MAPRE2: variants seen among roughly 807,000 people sequenced by gnomAD.
MAPRE2 encodes microtubule-associated protein RP/EB family member 2.
MAPRE2 carries 13 observed loss-of-function variants against 43.2 expected under a neutral mutation model. That is an observed-to-expected ratio of 0.30 (90% CI 0.20 to 0.48). MAPRE2 has a LOEUF of 0.48. MAPRE2 is among the 20% of genes least tolerant of loss of function. The pLI is 0.99. For missense variants in MAPRE2, 161 were observed against 400.2 expected (o/e 0.40, Z 5.10); for synonymous variants, 135 against 148.8 (o/e 0.91, Z 0.68).
intron 1 of MAPRE2, among the ~76,000 whole-genome samples, chr18:34,989,717 T>C (rs1175164963): frequency 1.3e-5 from 2 of 151,608 alleles, no homozygotes; most frequent in Non-Finnish European, 1.5e-5. Context: ...CCTCTCTCTC[T>C]GTCTTTTTTT....
chr18:35,119,284 A>G (rs1909563961), intron 4 of MAPRE2, among the ~76,000 whole-genome samples: 1 of 152,190 alleles, frequency 6.6e-6, no homozygotes, highest in Non-Finnish European at 1.5e-5. Context: ...AGGAAGACCC[A>G]TAGTGGATGC....
At chr18:35,101,721 A>G (rs553902805) in intron 3 of MAPRE2, among the ~76,000 whole-genome samples, 1 of 152,300 alleles carries the variant, frequency 6.6e-6, no homozygotes, top group South Asian at 2.1e-4. Context: ...ACTGCGACTC[A>G]TTCTTTTTAT....
intron 2 of MAPRE2, among the ~76,000 whole-genome samples, chr18:35,086,367 G>A (rs1907880057): frequency 6.6e-6 from 1 of 151,652 alleles, no homozygotes; most frequent in South Asian, 2.1e-4. Flanking sequence ...TATACACATT[G>A]TATATATGTA....
chr18:34,982,547 TAAGA>T (rs1017857177), intron 1 of MAPRE2, among the ~76,000 whole-genome samples: 4 of 152,220 alleles, frequency 2.6e-5, no homozygotes, highest in African/African-American at 9.6e-5. Context: ...TAATCTGAGA[TAAGA>T]AAAAGTCTGG....
intron 4 of MAPRE2, among the ~76,000 whole-genome samples, chr18:35,120,981 CAT>C (rs370754076): frequency 5.3e-5 from 8 of 152,270 alleles, no homozygotes; most frequent in African/African-American, 1.9e-4. Flanking sequence ...TGGCCGCCTG[CAT>C]GTGTGTGTGC....
chr18:35,140,277 CTT>C lies in MAPRE2; in HGVS notation c.910-17_910-16del, dbSNP rs1444345762. The C allele has an allele frequency of 7.4e-6, 12 of 1,611,002 alleles. No individual in the cohort carries two copies. Among genetic ancestry groups the C allele is most frequent in the South Asian group, 1.1e-5 (1 of 90,408 alleles). Reference sequence around the variant, plus strand: ...TCCCAGTCAATTATCTCAGCTGAAACTTCTCCCCTGCCCACAGGAGGGCCACA... The same window carrying C: ...TCCCAGTCAATTATCTCAGCTGAAACCTCCCCTGCCCACAGGAGGGCCACA... On this transcript the variant is annotated splice_polypyrimidine_tract_variant and intron_variant, in intron 6 of 6. Coordinates refer to ENST00000300249, the MANE Select transcript of MAPRE2 (RefSeq NM_014268.4).
At chr18:35,039,248 A>C (rs1382000662), upstream of MAPRE2, among the ~76,000 whole-genome samples, 1 of 152,258 alleles carries the variant, frequency 6.6e-6, no homozygotes, top group East Asian at 1.9e-4. Flanking sequence ...AAAAAGGGGA[A>C]GTTTTGTGAA....
rs536582117 is a variant in MAPRE2 at position 35,111,848 on chromosome 18, C to T, written c.610+9689C>T. Among the ~76,000 whole-genome samples the T allele has an allele frequency of 7.8e-4, 119 of 152,194 alleles. 1 individual carries two copies. Among genetic ancestry groups the T allele is most frequent in the Non-Finnish European group, 1.5e-3 (100 of 68,002 alleles). On this transcript the variant is annotated intron_variant, in intron 4 of 6. Coordinates refer to ENST00000300249, the MANE Select transcript of MAPRE2 (RefSeq NM_014268.4). ...CAGTCTATGATGGCATTTGACTTAC[C>T]GGAGCCCTGTAGGGTGGGCACAGGT... is the stretch of plus-strand genomic sequence containing the variant.
chr18:35,116,642 T>C (rs987965873), intron 4 of MAPRE2, among the ~76,000 whole-genome samples: 2 of 152,220 alleles, frequency 1.3e-5, no homozygotes, highest in Non-Finnish European at 2.9e-5. Context: ...CCTCCATGCC[T>C]TATGGGCTTT....
intron 1 of MAPRE2, among the ~76,000 whole-genome samples, chr18:34,991,772 C>G (rs2097023940): frequency 6.6e-6 from 1 of 152,114 alleles, no homozygotes; most frequent in African/African-American, 2.4e-5. Flanking sequence ...CATCTGGCAC[C>G]TTTAGAGTAT....
intron 1 of MAPRE2, among the ~76,000 whole-genome samples, chr18:35,066,364 T>C (rs1906838957): frequency 6.6e-6 from 1 of 152,200 alleles, no homozygotes; most frequent in Non-Finnish European, 1.5e-5. Context: ...AGATATAAAA[T>C]TTCCTTGTGT....
Position 35,041,438 on chromosome 18 carries a change from C to T in MAPRE2, c.-102C>T. ...GAGAAGGCAGTGAGCGAGCAGGCGGCAGGCACGGTCCGTGCGGAGCAGGCG... is the reference window on the plus strand; with the variant it reads ...GAGAAGGCAGTGAGCGAGCAGGCGGTAGGCACGGTCCGTGCGGAGCAGGCG... On this transcript the variant is annotated 5_prime_UTR_variant, in exon 1 of 7. Coordinates refer to ENST00000300249, the MANE Select transcript of MAPRE2 (RefSeq NM_014268.4). 2 of 1,583,958 alleles carry T rather than the reference C, an allele frequency of 1.3e-6. No individual in the cohort carries two copies. The highest frequency in any genetic ancestry group is 2.3e-5 in the East Asian group (1 of 44,334).
In MAPRE2 at chr18:35,068,582, T is replaced by C. The variant is rs142618754; in HGVS notation, c.123-1613T>C. ...TGTTTGGAGAATATTAGGGAACTAC[T>C]CATCACTTTGAAAACTGGCAAATAG... On this transcript the variant is annotated intron_variant, in intron 1 of 6. Transcript: ENST00000300249. 2.2e-3 allele frequency among the ~76,000 whole-genome samples: 333 copies of C among 152,348 alleles called. 1 individual carries two copies. Among genetic ancestry groups the C allele is most frequent in the African/African-American group, 7.6e-3 (317 of 41,578 alleles).
chr18:35,086,688 A>G (rs1907897599), intron 2 of MAPRE2, among the ~76,000 whole-genome samples: 1 of 152,122 alleles, frequency 6.6e-6, no homozygotes, highest in Non-Finnish European at 1.5e-5. Context: ...TTCTTAAAAA[A>G]AAAAAATTGA....
At chr18:35,128,098 G>A (rs955665580) in intron 5 of MAPRE2, among the ~76,000 whole-genome samples, 5 of 152,160 alleles carry the variant, frequency 3.3e-5, no homozygotes, top group Non-Finnish European at 7.4e-5. Flanking sequence ...TGTGATAATT[G>A]TATATTTGTA....
intron 1 of MAPRE2, among the ~76,000 whole-genome samples, chr18:34,990,587 C>T (rs2097023259): frequency 6.6e-6 from 1 of 152,136 alleles, no homozygotes; most frequent in Admixed American, 6.5e-5. Flanking sequence ...CCAATCCTGA[C>T]TCTCATCTAT....
At chr18:34,994,056 A>T (rs1045887821) in intron 1 of MAPRE2, among the ~76,000 whole-genome samples, 1 of 146,988 alleles carries the variant, frequency 6.8e-6, no homozygotes, top group African/African-American at 2.5e-5. Flanking sequence ...TGTTTATAGC[A>T]CATCATTTGC....
intron 2 of MAPRE2, among the ~76,000 whole-genome samples, chr18:35,090,759 GA>G (rs1384695499): frequency 1.7e-4 from 26 of 148,758 alleles, no homozygotes; most frequent in South Asian, 1.1e-3. Context: ...AAAAGAAAAA[GA>G]AAAAAAATAG....
rs536500398 is a variant in MAPRE2 at position 34,981,379 on chromosome 18, TA to T, written c.-70+4313del. On this transcript the variant is annotated intron_variant, in intron 1 of 7. Coordinates refer to the MAPRE2 transcript ENST00000413393. ...GGGGACAGAGAGGGAGATGCCATCT[TA>T]AAAAAAAAAAAAGACTAATCGGATT... Among the ~76,000 whole-genome samples the T allele has an allele frequency of 3.2e-3, 444 of 139,340 alleles. 1 individual carries two copies. Among genetic ancestry groups the T allele is most frequent in the African/African-American group, 3.6e-3 (135 of 37,826 alleles). The allele number at this position is 139,340 out of a possible 152,430, so 91.4% of individuals were successfully genotyped here. A position where few individuals can be genotyped will look rare whatever the true frequency, so the allele number is the denominator to read the frequency against.
Sources: allele counts gnomAD v4.1 joint callset (sites outside exome capture counted in the v4.1 genomes callset), GRCh38; gene constraint gnomAD v4.1.1; transcripts MANE v1.5; gene names NCBI Gene and HGNC (gene_info 2026-07-23, HGNC 2026-07-21).